EXOC3L1: variants seen among roughly 807,000 people sequenced by gnomAD.
The protein encoded by EXOC3L1 is exocyst complex component 3-like protein.
EXOC3L1 carries 79 observed loss-of-function variants against 83.6 expected under a neutral mutation model. The ratio of observed to expected loss-of-function variants is 0.95; its 90% CI spans 0.79 to 1.14. The LOEUF (loss-of-function observed/expected upper bound fraction) is 1.14. Among genes scored for constraint, EXOC3L1 ranks in the 50% most tolerant of loss-of-function variants. The pLI, the probability that EXOC3L1 is intolerant of heterozygous loss-of-function variation, is 0.00. For synonymous variants in EXOC3L1, 433 were observed against 451.2 expected (o/e 0.96, Z 0.51); for missense variants, 945 against 972.0 (o/e 0.97, Z 0.37).
At position 67,189,377 on chromosome 16, in the gene EXOC3L1, A is replaced by G. The variant is rs111591532; in HGVS notation, c.47-197T>C. Among the ~76,000 whole-genome samples the G allele has an allele frequency of 7.1e-3, 1,087 of 152,276 alleles. 19 individuals are homozygous for G. The highest frequency in any genetic ancestry group is 0.025 in the African/African-American group (1,032 of 41,550). On this transcript the variant is annotated intron_variant, in intron 2 of 13. Transcript: ENST00000314586. ...CTGTAACCTCCGCCTCCCGGGTTCA[A>G]GCGATTCTCCTGCCTCAGTCTCCCG...
rs1368342473 is a variant in EXOC3L1 at position 67,186,309 on chromosome 16, A to C, written c.1424T>G (p.Phe475Cys). Reference protein sequence around the residue: ...DALIRFSRDHFRGKSMAPHYV... With the variant: ...DALIRFSRDHCRGKSMAPHYV... ...ATGAGGGGCCATTGATTTCCCCCTG[A>C]AGTGGTCTCGGGAGAATCGGATCAG... Residue 475 changes from phenylalanine to cysteine, a missense_variant, in exon 9 of 14, where the codon TTC becomes TGC. Coordinates refer to ENST00000314586, the MANE Select transcript of EXOC3L1 (RefSeq NM_178516.4). 1.3e-6 allele frequency: 2 copies of C among 1,571,728 alleles called. No homozygotes were observed. Among genetic ancestry groups the C allele is most frequent in the Admixed American group, 3.7e-5 (2 of 53,930 alleles).
rs201063800 is a variant in EXOC3L1, at chr16:67,187,455, C to G, written c.810G>C (p.Gly270=). Residue 270 remains glycine, a synonymous_variant, in exon 5 of 14, where the codon GGG becomes GGC. Transcript: ENST00000314586. ...HFGSPLLPAP[G]ALPGWLEALR... is the part of the protein sequence containing the mutation. Reference sequence around the variant, plus strand: ...GAGCCTCCAGCCACCCTGGTAGGGCCCCTGGTGCAGGCAGCAGAGGTGACC... The same window carrying G: ...GAGCCTCCAGCCACCCTGGTAGGGCGCCTGGTGCAGGCAGCAGAGGTGACC... 1.9e-6 allele frequency: 3 copies of G among 1,609,060 alleles called. No homozygotes were observed. The highest frequency in any genetic ancestry group is 4.5e-5 in the East Asian group (2 of 44,866).
Position 67,187,529 on chromosome 16 carries a change from G to T in EXOC3L1, c.736C>A (p.Gln246Lys). ...TCCTGTAGTGCCCTCAGACAGCGCT[G>T]ACGCCAGTCCCGGGGGACCTGGCCC... ...PLGQVPRDWR[Q>K]RCLRALQEGL... The change falls in exon 5 of 14, where the codon CAG (glutamine) becomes AAG (lysine). Residue 246 changes from glutamine to lysine, a missense_variant. Physicochemically the swap from Gln to Lys is moderately conservative, Grantham distance 53. Coordinates refer to ENST00000314586, the MANE Select transcript of EXOC3L1 (RefSeq NM_178516.4). 6.2e-7 allele frequency: 1 copy of T among 1,602,520 alleles called. No individual in the cohort carries two copies.
intron 2 of EXOC3L1, 47 bp from the exon 3 acceptor site, chr16:67,189,227 C>T (rs1293530784): frequency 5.3e-6 from 8 of 1,502,432 alleles, no homozygotes; most frequent in African/African-American, 1.4e-5. Flanking sequence ...GAGGAGGGCC[C>T]AACGACCCCA....
rs899464688 is a variant in EXOC3L1, at chr16:67,185,001, C to G, written c.1806G>C (p.Met602Ile). The G allele has an allele frequency of 6.2e-7, 1 of 1,609,900 alleles. No individual in the cohort carries two copies. The highest frequency in any genetic ancestry group is 8.5e-7 in the Non-Finnish European group (1 of 1,178,588). The change falls in exon 12 of 14, where the codon ATG becomes ATC. Residue 602 changes from methionine to isoleucine, a missense_variant. Physicochemically the swap from Met to Ile is conservative, Grantham distance 10. Coordinates refer to ENST00000314586, the MANE Select transcript of EXOC3L1 (RefSeq NM_178516.4). ...AVVLQYLSAL[M>I]QGRLVCRGAD... The stretch of plus-strand genomic sequence containing the variant: ...CTCCGCGGCACACCAGGCGGCCTTG[C>G]ATCAGCGCGCTCAGGTACTGGAGCA...
At chr16:67,184,862 C>A (rs1375365395) in intron 12 of EXOC3L1, 40 bp downstream of exon 12, 2 of 1,610,116 alleles carry the variant, frequency 1.2e-6, no homozygotes, top group Non-Finnish European at 8.5e-7. Flanking sequence ...CACCCAGCCA[C>A]TGAGACTCTC....
Position 67,184,813 on chromosome 16 carries a change from G to GAAC in EXOC3L1, c.1906-4_1906-3insGTT, listed in dbSNP as rs1567683086. On this transcript the variant is annotated splice_region_variant and splice_polypyrimidine_tract_variant and intron_variant, in intron 12 of 13. Coordinates refer to ENST00000314586, the MANE Select transcript of EXOC3L1 (RefSeq NM_178516.4). Reference sequence around the variant, plus strand: ...CAGTGCGCGTTCTCCTCCAGGCCCTGAGCACGTCGGGGTAGGGTCTCGCGC... The same window carrying GAAC: ...CAGTGCGCGTTCTCCTCCAGGCCCTGAACAGCACGTCGGGGTAGGGTCTCGCGC... The GAAC allele has an allele frequency of 1.9e-6, 3 of 1,603,602 alleles. No homozygotes were observed. Among genetic ancestry groups the GAAC allele is most frequent in the Non-Finnish European group, 2.5e-6 (3 of 1,179,636 alleles).
Position 67,188,933 on chromosome 16 carries a change from A to G in EXOC3L1, c.215T>C (p.Met72Thr), listed in dbSNP as rs753926421. Residue 72 changes from methionine (M) to threonine (T), a missense_variant, in exon 4 of 14, where the codon ATG becomes ACG. Physicochemically the swap from Met to Thr is moderately conservative, Grantham distance 81. Coordinates refer to ENST00000314586, the MANE Select transcript of EXOC3L1 (RefSeq NM_178516.4). ...CTGCACGCCTTCCAGGTATGACTGC[A>G]TCACTGACTGTGGAAAGATGGAGCC... is the stretch of plus-strand genomic sequence containing the variant. The part of the protein sequence containing the change: ...CSLESRLKSV[M>T]QSYLEGVQTG... The G allele has an allele frequency of 6.2e-7, 1 of 1,612,718 alleles. No homozygotes were observed. Among genetic ancestry groups the G allele is most frequent in the South Asian group, 1.1e-5 (1 of 91,058 alleles).
Position 67,185,070 on chromosome 16 carries a change from A to G in EXOC3L1, c.1750-13T>C. ...CAGCCAGCAGCAGCTGCGGGGAGGC[A>G]ATCAGGCGGGTGCAGGTCGCCTCTC... On this transcript the variant is annotated splice_polypyrimidine_tract_variant and intron_variant, in intron 11 of 13. Transcript: ENST00000314586. The G allele has an allele frequency of 6.2e-7, 1 of 1,610,802 alleles. No individual in the cohort carries two copies. Among genetic ancestry groups the G allele is most frequent in the Non-Finnish European group, 8.5e-7 (1 of 1,178,596 alleles).
At chr16:67,189,488 G>A in intron 2 of EXOC3L1, 143 bp downstream of exon 2, 1 of 952,314 alleles carries the variant, frequency 1.1e-6, no homozygotes. Context: ...TGTTGGCCAG[G>A]TTGGTTTGGA....
At position 67,187,450 on chromosome 16, in the gene EXOC3L1, A is replaced by G. The variant is rs1271312698; in HGVS notation, c.815T>C (p.Leu272Pro). Residue 272 changes from leucine to proline, a missense_variant, in exon 5 of 14, where the codon CTA (leucine) becomes CCA (proline). Physicochemically the swap from Leu to Pro is moderately conservative, Grantham distance 98 (BLOSUM62 -3). Transcript: ENST00000314586. ...GSPLLPAPGA[L>P]PGWLEALRVA... is the part of the protein sequence containing the mutation. ...TCGCAGAGCCTCCAGCCACCCTGGT[A>G]GGGCCCCTGGTGCAGGCAGCAGAGG... is the stretch of plus-strand genomic sequence containing the variant. 2 of 1,609,482 alleles carry G rather than the reference A, an allele frequency of 1.2e-6. No individual in the cohort carries two copies. Among genetic ancestry groups the G allele is most frequent in the Non-Finnish European group, 8.5e-7 (1 of 1,179,720 alleles).
rs1567684145 is a variant in EXOC3L1, at chr16:67,186,327, CG to C, written c.1405del (p.Arg469AspfsTer130). 1 of 1,564,696 alleles carries C rather than the reference CG, an allele frequency of 6.4e-7. No individual in the cohort carries two copies. The highest frequency in any genetic ancestry group is 1.9e-5 in the Admixed American group (1 of 52,848). ...FLRSFSDALIRFSRDHFRGKS... is the reference protein window; with the variant it reads ...FLRSFSDALIXFSRDHFRGKS... ...CCCCCTGAAGTGGTCTCGGGAGAAT[CG>C]GATCAGAGCATCACTGAAGCTGCAA... On this transcript the variant is annotated frameshift_variant, in exon 9 of 14. Transcript: ENST00000314586. LOFTEE classifies it high-confidence loss of function.
intron 2 of EXOC3L1, 119 bp from the exon 3 acceptor site, chr16:67,189,299 T>A: frequency 8.7e-7 from 1 of 1,145,188 alleles, no homozygotes; most frequent in South Asian, 1.9e-5. Context: ...TTTATTGAGA[T>A]GGAGTCTCGC....
intron 7 of EXOC3L1, 39 bp downstream of exon 7, chr16:67,186,720 C>T (rs2032735521): frequency 1.2e-6 from 2 of 1,613,638 alleles, no homozygotes; most frequent in African/African-American, 1.3e-5. Flanking sequence ...CCCACTGCCC[C>T]ATGGAGGCTG....
intron 2 of EXOC3L1, among the ~76,000 whole-genome samples, 192 bp from the exon 3 acceptor site, chr16:67,189,372 G>A (rs1340030580): frequency 1.3e-5 from 2 of 152,212 alleles, no homozygotes; most frequent in Non-Finnish European, 2.9e-5. Flanking sequence ...CGCCTCCCGG[G>A]TTCAAGCGAT....
rs372824922 is a variant in EXOC3L1, at chr16:67,187,497, C to T, written c.768G>A (p.Leu256=). The change falls in exon 5 of 14, where the codon CTG becomes CTA. Residue 256 remains leucine, a synonymous_variant. Coordinates refer to ENST00000314586, the MANE Select transcript of EXOC3L1 (RefSeq NM_178516.4). ...GAGGTGACCCAAAGTGGGCCTGCTC[C>T]AGGCCCTCCTGTAGTGCCCTCAGAC... The part of the protein sequence containing the change: ...QRCLRALQEG[L]EQAHFGSPLL... 4.4e-6 allele frequency: 7 copies of T among 1,604,374 alleles called. No individual in the cohort carries two copies. Among genetic ancestry groups the T allele is most frequent in the Middle Eastern group, 1.6e-4 (1 of 6,062 alleles).
chr16:67,187,436 C>G lies in EXOC3L1; in HGVS notation c.829G>C (p.Glu277Gln), dbSNP rs1166702893. 3 of 1,610,554 alleles carry G rather than the reference C, an allele frequency of 1.9e-6. No homozygotes were observed. Among genetic ancestry groups the G allele is most frequent in the Non-Finnish European group, 2.5e-6 (3 of 1,179,778 alleles). The change falls in exon 5 of 14, where the codon GAG becomes CAG. Residue 277 changes from glutamate to glutamine, a missense_variant. Coordinates refer to ENST00000314586, the MANE Select transcript of EXOC3L1 (RefSeq NM_178516.4). ...PAPGALPGWL[E>Q]ALRVALPVEL... ...ACTGGCAGGGCCACTCGCAGAGCCT[C>G]CAGCCACCCTGGTAGGGCCCCTGGT... is the stretch of plus-strand genomic sequence containing the variant.
chr16:67,189,421 C>T (rs569138868), intron 2 of EXOC3L1, among the ~76,000 whole-genome samples: 177 of 152,296 alleles, frequency 1.2e-3, no homozygotes, highest in South Asian at 1.4e-3. Flanking sequence ...GGATTACAGG[C>T]GCGTGCCATC....
chr16:67,189,903 G>T, intron 1 of EXOC3L1, 68 bp downstream of exon 1: 1 of 590,386 alleles, frequency 1.7e-6, no homozygotes, highest in East Asian at 2.8e-5. Context: ...GAGACAGAGT[G>T]GGCACAGGCC....
Sources: gnomAD v4.1 joint callset for allele counts (sites outside exome capture counted in the v4.1 genomes callset) on GRCh38, gnomAD v4.1.1 for gene constraint, MANE v1.5 for transcripts, NCBI Gene and HGNC (gene_info 2026-07-23, HGNC 2026-07-21) for gene names.